The following ZEB2 variants were observed in gnomAD, a reference collection of about 807,000 sequenced individuals.
The protein encoded by ZEB2 is zinc finger E-box-binding homeobox 2.
In ZEB2, 6 loss-of-function variants were observed where a neutral mutation model predicts 99.9. That is an observed-to-expected ratio of 0.06 (90% CI 0.03 to 0.12). The LOEUF (loss-of-function observed/expected upper bound fraction) is 0.12, where lower values mean the gene tolerates loss of function less well. Among genes scored for constraint, ZEB2 ranks in the 10% least tolerant of loss-of-function variants. ZEB2 has a pLI of 1.00. For synonymous variants in ZEB2, 517 were observed against 542.5 expected, an observed-to-expected ratio of 0.95 and a Z score of 0.65; for missense variants, 969 against 1,502.8, an observed-to-expected ratio of 0.64 and a Z score of 5.87.
intron 2 of ZEB2, among the ~76,000 whole-genome samples, chr2:144,464,906 G>A (rs912012330): frequency 6.6e-6 from 1 of 152,164 alleles, no homozygotes; most frequent in African/African-American, 2.4e-5. Context: ...CGATAAATGT[G>A]TTTACCTTTG....
At chr2:144,445,615 C>T (rs966619001) in intron 2 of ZEB2, among the ~76,000 whole-genome samples, 1 of 152,128 alleles carries the variant, frequency 6.6e-6, no homozygotes, top group Non-Finnish European at 1.5e-5. Context: ...ACCAAGAATG[C>T]CTTTCCTCCC....
At chr2:144,494,690 T>A (rs897126054) in intron 2 of ZEB2, 4 of 152,186 alleles carry the variant, frequency 2.6e-5, no homozygotes, top group Admixed American at 1.3e-4. Context: ...TTTCATAAAC[T>A]CCATCTCCAA....
intron 4 of ZEB2, among the ~76,000 whole-genome samples, chr2:144,409,760 G>A (rs538501818): frequency 8.5e-5 from 13 of 152,182 alleles, no homozygotes; most frequent in Admixed American, 4.6e-4. Context: ...ATGGTGGTGC[G>A]TGCCTGTGGT....
Position 144,384,464 on chromosome 2 carries a change from T to C in ZEB2, c.*4987A>G, listed in dbSNP as rs568869688. The C allele has an allele frequency of 6.6e-5, 10 of 152,192 alleles. No individual in the cohort carries two copies. Among genetic ancestry groups the C allele is most frequent in the East Asian group, 5.8e-4 (3 of 5,186 alleles). The allele number at this position is 152,192 out of a possible 1,614,324, so 9.4% of individuals were successfully genotyped here. On this transcript the variant is annotated 3_prime_UTR_variant, in exon 10 of 10. Coordinates refer to ENST00000627532, the MANE Select transcript of ZEB2 (RefSeq NM_014795.4). ...CCTCTGAAACATCAGACCCAAAAAA[T>C]TGGACACAGCCTACTAGCCCAAAAA... is the stretch of plus-strand genomic sequence containing the variant.
At chr2:144,466,019 T>C (rs1427379806) in intron 2 of ZEB2, among the ~76,000 whole-genome samples, 1 of 152,196 alleles carries the variant, frequency 6.6e-6, no homozygotes, top group Non-Finnish European at 1.5e-5. Context: ...ATCAACGGAC[T>C]GAAAATCTCT....
chr2:144,470,242 A>G (rs540044738), intron 2 of ZEB2, among the ~76,000 whole-genome samples: 2 of 152,352 alleles, frequency 1.3e-5, no homozygotes, highest in South Asian at 2.1e-4. Flanking sequence ...TATTTAAAAC[A>G]CGCATGAATC....
chr2:144,511,697 T>C (rs1454389337), intron 2 of ZEB2: 1 of 1,286,914 alleles, frequency 7.8e-7, no homozygotes, highest in Admixed American at 2.3e-5. Flanking sequence ...AATTCACAAA[T>C]CACAGCAAAC....
intron 2 of ZEB2, among the ~76,000 whole-genome samples, chr2:144,465,856 C>T (rs1360054822): frequency 6.6e-6 from 1 of 152,114 alleles, no homozygotes; most frequent in South Asian, 2.1e-4. Flanking sequence ...TACAGGAAGC[C>T]AGATGTGCCT....
intron 9 of ZEB2, chr2:144,390,593 C>T: frequency 5.7e-6 from 1 of 175,262 alleles, no homozygotes; most frequent in South Asian, 1.2e-4. Context: ...TCTTATCAGT[C>T]ATAGGAGTCT....
rs13009259 is a variant in ZEB2, at chr2:144,404,335, A to G, written c.593-205T>C. Among the ~76,000 whole-genome samples the G allele has an allele frequency of 0.19, 26,975 of 142,132 alleles. 2,798 individuals carry two copies. Among genetic ancestry groups the G allele is most frequent in the African/African-American group, 0.3 (11,414 of 38,248 alleles). The allele number at this position is 142,132 out of a possible 152,430, so 93.2% of individuals were successfully genotyped here. On this transcript the variant is annotated intron_variant, in intron 5 of 9. Transcript: ENST00000627532. Reference sequence around the variant, plus strand: ...GTCGGAATCAGCTCACACTGTGCTCAAAAATTAATTAATTACTTCAGGTTT... The same window carrying G: ...GTCGGAATCAGCTCACACTGTGCTCGAAAATTAATTAATTACTTCAGGTTT...
In ZEB2 at chr2:144,511,473, A is replaced by G. The variant is rs771431209; in HGVS notation, c.73+5805T>C. ...CACTCTGACATGACTGTCACACAAGATAAAAGTATTTGGCACATAGCTATT... is the reference window on the plus strand; with the variant it reads ...CACTCTGACATGACTGTCACACAAGGTAAAAGTATTTGGCACATAGCTATT... On this transcript the variant is annotated intron_variant, in intron 2 of 9. Transcript: ENST00000627532. The G allele has an allele frequency of 1.3e-4, 163 of 1,274,330 alleles. 1 individual carries two copies. In the South Asian group the frequency reaches 1.9e-3, roughly 15 times the overall value. The allele number at this position is 1,274,330 out of a possible 1,614,324, so 78.9% of individuals were successfully genotyped here. A position where few individuals can be genotyped will look rare whatever the true frequency, so the allele number is the denominator to read the frequency against.
At chr2:144,432,716 G>A (rs750924742) in intron 2 of ZEB2, among the ~76,000 whole-genome samples, 5 of 152,066 alleles carry the variant, frequency 3.3e-5, no homozygotes, top group South Asian at 2.1e-4. Context: ...GGGTTTAGCC[G>A]CACTTACATT....
chr2:144,433,472 C>G (rs1490033376), intron 2 of ZEB2, among the ~76,000 whole-genome samples: 2 of 152,146 alleles, frequency 1.3e-5, no homozygotes, highest in Non-Finnish European at 2.9e-5. Context: ...ACTGGCATGG[C>G]TCACCATTTT....
At chr2:144,512,790 G>A (rs144655107) in intron 2 of ZEB2, 19 of 1,287,024 alleles carry the variant, frequency 1.5e-5, no homozygotes, top group Non-Finnish European at 1.8e-5. Flanking sequence ...ATAGCCCCCA[G>A]CCTTGTGTGT....
At chr2:144,457,474 T>C (rs181561444) in intron 2 of ZEB2, among the ~76,000 whole-genome samples, 1 of 152,292 alleles carries the variant, frequency 6.6e-6, no homozygotes, top group East Asian at 1.9e-4. Flanking sequence ...TTTAACTATT[T>C]AACAGAGTAT....
intron 2 of ZEB2, among the ~76,000 whole-genome samples, chr2:144,438,238 T>C (rs1020709573): frequency 6.6e-6 from 1 of 152,206 alleles, no homozygotes; most frequent in African/African-American, 2.4e-5. Context: ...TTCTGCAGTT[T>C]ACTGAAGTCA....
intron 6 of ZEB2, among the ~76,000 whole-genome samples, chr2:144,403,134 A>G (rs1052916620): frequency 3.9e-5 from 6 of 152,206 alleles, no homozygotes; most frequent in African/African-American, 9.7e-5. Context: ...TGCAGAGTCA[A>G]TCCTCCCAGT....
chr2:144,409,016 G>A (rs890988952), intron 4 of ZEB2, among the ~76,000 whole-genome samples: 23 of 152,206 alleles, frequency 1.5e-4, no homozygotes, highest in Admixed American at 1.5e-3. Flanking sequence ...AGAAAAAGAA[G>A]ATTTATGAAG....
chr2:144,470,446 C>T (rs1388349625), intron 2 of ZEB2: 7 of 152,082 alleles, frequency 4.6e-5, no homozygotes, highest in Non-Finnish European at 7.4e-5. Context: ...AGTAGATTTC[C>T]TTTCACACAG....
Sources: allele counts gnomAD v4.1 joint callset (sites outside exome capture counted in the v4.1 genomes callset), GRCh38; gene constraint gnomAD v4.1.1; transcripts MANE v1.5; gene names NCBI Gene and HGNC (gene_info 2026-07-23, HGNC 2026-07-21).